EYA2: variants seen among roughly 807,000 people sequenced by gnomAD.
The protein encoded by EYA2 is EYA transcriptional coactivator and phosphatase 2, also known as protein phosphatase EYA2.
EYA2 carries 31 observed loss-of-function variants against 69.2 expected under a neutral mutation model. That is an observed-to-expected ratio of 0.45 (90% CI 0.34 to 0.60). The LOEUF is 0.60. Among genes scored for constraint, EYA2 ranks in the 20% least tolerant of loss-of-function variants. EYA2 has a pLI of 0.02. For synonymous variants in EYA2, 257 were observed against 279.4 expected, an observed-to-expected ratio of 0.92 and a Z score of 0.80; for missense variants, 622 against 701.2, an observed-to-expected ratio of 0.89 and a Z score of 1.28.
At chr20:47,073,043 T>A (rs1256556833) in intron 6 of EYA2, among the ~76,000 whole-genome samples, 1 of 152,236 alleles carries the variant, frequency 6.6e-6, no homozygotes, top group Non-Finnish European at 1.5e-5. Flanking sequence ...AAAATACTTA[T>A]AAATAAAACA....
intron 5 of EYA2, among the ~76,000 whole-genome samples, chr20:47,027,224 A>G (rs951713860): frequency 1.3e-5 from 2 of 152,060 alleles, no homozygotes; most frequent in Non-Finnish European, 2.9e-5. Context: ...TCATTTCCCT[A>G]TTTCTCTCCG....
intron 7 of EYA2, among the ~76,000 whole-genome samples, chr20:47,075,670 C>A (rs1206816): frequency 1.3e-5 from 2 of 151,886 alleles, no homozygotes; most frequent in African/African-American, 4.8e-5. Context: ...TACAATCCTT[C>A]AAAACATCCT....
chr20:47,011,900 A>T (rs975400629), intron 4 of EYA2, among the ~76,000 whole-genome samples: 2 of 152,200 alleles, frequency 1.3e-5, no homozygotes, highest in Admixed American at 1.3e-4. Context: ...ATAGCAGGGA[A>T]AAGTGTGTGC....
rs112049777 is a variant in EYA2 at position 47,085,917 on chromosome 20, A to T, written c.662-3322A>T. ...ATTTGTTTATTATGTTGATTGTGGC[A>T]ATGGCTTCACAGATGTGTACATACG... is the stretch of plus-strand genomic sequence containing the variant. On this transcript the variant is annotated intron_variant, in intron 7 of 15. Coordinates refer to ENST00000327619, the MANE Select transcript of EYA2 (RefSeq NM_005244.5). Among the ~76,000 whole-genome samples the T allele has an allele frequency of 9.6e-3, 1,459 of 152,308 alleles. 22 individuals carry two copies. The highest frequency in any genetic ancestry group is 0.033 in the African/African-American group (1,376 of 41,570).
intron 9 of EYA2, among the ~76,000 whole-genome samples, chr20:47,126,560 C>T (rs1353212653): frequency 1.3e-5 from 2 of 152,108 alleles, no homozygotes; most frequent in Non-Finnish European, 2.9e-5. Flanking sequence ...ACTCAGCTGG[C>T]GGGGAGAGAC....
intron 10 of EYA2, among the ~76,000 whole-genome samples, chr20:47,146,799 G>A (rs576870071): frequency 3.9e-5 from 6 of 152,182 alleles, no homozygotes; most frequent in South Asian, 2.1e-4. Context: ...GTCCAGCAGC[G>A]CTTTATGAAG....
chr20:47,062,900 G>A (rs371623028), intron 5 of EYA2, among the ~76,000 whole-genome samples: 15 of 152,122 alleles, frequency 9.9e-5, no homozygotes, highest in African/African-American at 2.4e-4. Flanking sequence ...CTCTTCTCTC[G>A]GGCCTCAAGG....
At chr20:47,070,191 G>T (rs2031263938) in intron 5 of EYA2, among the ~76,000 whole-genome samples, 3 of 152,132 alleles carry the variant, frequency 2.0e-5, no homozygotes, top group Admixed American at 1.3e-4. Context: ...GTAATAAGAG[G>T]CCAAACCTAA....
At chr20:47,047,125 T>C (rs2030079950) in intron 5 of EYA2, among the ~76,000 whole-genome samples, 1 of 152,204 alleles carries the variant, frequency 6.6e-6, no homozygotes. Flanking sequence ...TCCCCATGAA[T>C]ATCCACTTAC....
At chr20:47,054,811 T>C (rs986000904) in intron 5 of EYA2, among the ~76,000 whole-genome samples, 2 of 152,210 alleles carry the variant, frequency 1.3e-5, no homozygotes, top group Non-Finnish European at 2.9e-5. Flanking sequence ...GAACTTTTGA[T>C]TCAGTTTGGA....
intron 1 of EYA2, among the ~76,000 whole-genome samples, chr20:46,962,729 C>T (rs147564189): frequency 5.9e-5 from 9 of 152,338 alleles, no homozygotes; most frequent in Middle Eastern, 6.8e-3. Flanking sequence ...CATCCTACCA[C>T]GTAACAGCAA....
intron 7 of EYA2, among the ~76,000 whole-genome samples, chr20:47,083,422 C>T (rs1216726212): frequency 6.6e-6 from 1 of 151,366 alleles, no homozygotes; most frequent in African/African-American, 2.4e-5. Context: ...ACTAAATATA[C>T]AAAAAAATAG....
intron 1 of EYA2, among the ~76,000 whole-genome samples, chr20:46,937,746 C>T (rs1440864044): frequency 3.3e-5 from 5 of 149,574 alleles, no homozygotes; most frequent in Admixed American, 2.0e-4. Flanking sequence ...AGAGACCTTT[C>T]CGGCCACATT....
intron 1 of EYA2, among the ~76,000 whole-genome samples, chr20:46,980,212 C>T (rs1040982552): frequency 3.9e-5 from 6 of 152,228 alleles, no homozygotes; most frequent in African/African-American, 1.4e-4. Context: ...TCTCTACCTA[C>T]TTCATAGGAT....
At chr20:47,006,997 G>A (rs954820888) in intron 4 of EYA2, among the ~76,000 whole-genome samples, 14 of 152,074 alleles carry the variant, frequency 9.2e-5, no homozygotes, top group African/African-American at 3.1e-4. Context: ...TGGCACCATC[G>A]CAGCTCACCG....
At chr20:47,178,843 G>GGTGGATGGATGGATATTGT (rs1423433346) in intron 12 of EYA2, among the ~76,000 whole-genome samples, 3,877 of 150,432 alleles carry the variant, frequency 0.026, 201 homozygotes, top group African/African-American at 0.092. Context: ...ATGGATATTG[G>GGTGGATGGATGGATATTGT]GTGGATGGAT....
rs185273059 is a variant in EYA2, at chr20:47,091,001, G to A, written c.804+1620G>A. ...CTGAGTGTGCTAGGTGTCTCGGTAG[G>A]ATTGTCAGTGCCAGGCAGTTCAAGT... On this transcript the variant is annotated intron_variant, in intron 8 of 15. Transcript: ENST00000327619. 3.3e-5 allele frequency among the ~76,000 whole-genome samples: 5 copies of A among 152,252 alleles called. No homozygotes were observed. In the East Asian group the frequency reaches 7.7e-4, roughly 23 times the overall value.
chr20:47,016,330 T>C, intron 5 of EYA2, 33 bp downstream of exon 5: 1 of 1,541,404 alleles, frequency 6.5e-7, no homozygotes, highest in Non-Finnish European at 9.0e-7. Context: ...TTCCTGCCCA[T>C]CTCTAAGGAC....
At chr20:46,976,088 C>T (rs1388771400) in intron 1 of EYA2, among the ~76,000 whole-genome samples, 4 of 150,708 alleles carry the variant, frequency 2.7e-5, no homozygotes, top group South Asian at 2.1e-4. Context: ...AAGCTGAGTG[C>T]GGCGGCTCAT....
Sources: allele counts gnomAD v4.1 joint callset (sites outside exome capture counted in the v4.1 genomes callset), GRCh38; gene constraint gnomAD v4.1.1; transcripts MANE v1.5; gene names NCBI Gene and HGNC (gene_info 2026-07-23, HGNC 2026-07-21).